The following GALNT17 variants were observed in gnomAD, a reference collection of about 807,000 sequenced individuals.
The protein encoded by GALNT17 is polypeptide N-acetylgalactosaminyltransferase 17.
A neutral mutation model predicts 63.7 loss-of-function variants in GALNT17; 29 were observed. The ratio of observed to expected loss-of-function variants is 0.46; its 90% CI spans 0.34 to 0.62. The LOEUF is 0.62. Among genes scored for constraint, GALNT17 ranks in the 20% least tolerant of loss-of-function variants. GALNT17 has a pLI of 0.01. For missense variants in GALNT17, 603 were observed against 799.6 expected (o/e 0.75, Z 2.97); for synonymous variants, 305 against 318.3 (o/e 0.96, Z 0.45).
intron 1 of GALNT17, among the ~76,000 whole-genome samples, chr7:71,200,248 G>C (rs913148793): frequency 6.6e-6 from 1 of 152,162 alleles, no homozygotes; most frequent in Non-Finnish European, 1.5e-5. Context: ...TTATCAGTAA[G>C]TCTGGCCCGT....
chr7:71,371,329 G>A (rs568707967), intron 2 of GALNT17, among the ~76,000 whole-genome samples: 1 of 152,144 alleles, frequency 6.6e-6, no homozygotes, highest in Non-Finnish European at 1.5e-5. Context: ...CAACAAAAAT[G>A]ATTTATAATT....
At chr7:71,507,781 G>A (rs1052722140) in intron 5 of GALNT17, among the ~76,000 whole-genome samples, 6 of 152,156 alleles carry the variant, frequency 3.9e-5, no homozygotes, top group African/African-American at 1.4e-4. Context: ...GAACTGGGAG[G>A]TGTTTGCATG....
chr7:71,704,535 T>C (rs981708064), intron 9 of GALNT17, among the ~76,000 whole-genome samples: 1 of 146,928 alleles, frequency 6.8e-6, no homozygotes, highest in African/African-American at 2.5e-5. Context: ...CTAAAATACA[T>C]ATGAAATTCA....
intron 1 of GALNT17, among the ~76,000 whole-genome samples, chr7:71,330,653 C>T (rs1019713058): frequency 5.3e-5 from 8 of 150,734 alleles, no homozygotes; most frequent in Non-Finnish European, 7.4e-5. Context: ...TCCTCTGCCT[C>T]GGCCTCCCAA....
intron 5 of GALNT17, among the ~76,000 whole-genome samples, chr7:71,460,718 T>C (rs149653706): frequency 6.6e-6 from 1 of 152,348 alleles, no homozygotes; most frequent in Non-Finnish European, 1.5e-5. Context: ...TTTTTATGGT[T>C]ATTTCTTGAT....
At chr7:71,679,137 A>T (rs1791197811) in intron 9 of GALNT17, among the ~76,000 whole-genome samples, 1 of 152,084 alleles carries the variant, frequency 6.6e-6, no homozygotes, top group Non-Finnish European at 1.5e-5. Flanking sequence ...ATGGAAAGCA[A>T]TATGAGCTAC....
At chr7:71,633,552 G>A (rs1018436358) in intron 6 of GALNT17, among the ~76,000 whole-genome samples, 2 of 152,068 alleles carry the variant, frequency 1.3e-5, no homozygotes, top group Non-Finnish European at 2.9e-5. Context: ...AGTATTTACC[G>A]GCTCATTATT....
intron 5 of GALNT17, among the ~76,000 whole-genome samples, chr7:71,449,108 C>CTATTTTTTTTTTTTTTTTTTTTT (rs1787211111): frequency 1.4e-5 from 1 of 72,754 alleles, no homozygotes; most frequent in Admixed American, 2.5e-4. Context: ...TGCCTATTTT[C>CTATTTTTTTTTTTTTTTTTTTTT]TTTTTTTTTT....
At chr7:71,420,761 G>T in intron 4 of GALNT17, 147 bp from the exon 5 acceptor site, 1 of 904,480 alleles carries the variant, frequency 1.1e-6, no homozygotes, top group South Asian at 1.5e-5. Context: ...GCGTGGGCAG[G>T]TCCCTGGGAG....
intron 1 of GALNT17, among the ~76,000 whole-genome samples, chr7:71,282,280 T>A (rs1790791714): frequency 3.9e-5 from 6 of 152,218 alleles, no homozygotes. Context: ...TTATTTCCAG[T>A]GCAGTTTAGC....
chr7:71,184,288 C>T (rs1051468847), intron 1 of GALNT17, among the ~76,000 whole-genome samples: 1 of 152,156 alleles, frequency 6.6e-6, no homozygotes, highest in Non-Finnish European at 1.5e-5. Flanking sequence ...CATTACTCCA[C>T]GGCAGCCCTA....
intron 9 of GALNT17, among the ~76,000 whole-genome samples, chr7:71,687,017 G>A (rs1291782902): frequency 6.6e-6 from 1 of 152,284 alleles, no homozygotes; most frequent in East Asian, 1.9e-4. Context: ...AAGGTGTCAA[G>A]CTCTGTTCCC....
At chr7:71,582,904 A>G (rs919693792) in intron 6 of GALNT17, among the ~76,000 whole-genome samples, 1 of 152,088 alleles carries the variant, frequency 6.6e-6, no homozygotes, top group African/African-American at 2.4e-5. Context: ...AAATCTCACA[A>G]ATCGCCACTA....
chr7:71,650,162 C>G (rs1046779373), intron 6 of GALNT17, among the ~76,000 whole-genome samples: 3 of 152,166 alleles, frequency 2.0e-5, no homozygotes, highest in Admixed American at 2.0e-4. Flanking sequence ...TTGCCTTTAC[C>G]AAGTTGAGTT....
intron 3 of GALNT17, among the ~76,000 whole-genome samples, chr7:71,390,487 A>G (rs995550408): frequency 6.6e-6 from 1 of 152,118 alleles, no homozygotes; most frequent in Non-Finnish European, 1.5e-5. Context: ...TTAGTTATCT[A>G]TAGATTCTTC....
intron 7 of GALNT17, 109 bp from the exon 8 acceptor site, chr7:71,669,863 G>A (rs1265450992): frequency 7.0e-7 from 1 of 1,434,262 alleles, no homozygotes; most frequent in African/African-American, 1.4e-5. Context: ...GCCCAGCCCA[G>A]GCTTAAGATC....
rs530399386 is a variant in GALNT17 at position 71,707,841 on chromosome 7, C to T, written c.1501-2920C>T. 3.9e-5 allele frequency among the ~76,000 whole-genome samples: 6 copies of T among 152,366 alleles called. No individual in the cohort carries two copies. The South Asian group carries it at 1.2e-3, about 32-fold the overall frequency. On this transcript the variant is annotated intron_variant, in intron 9 of 10. Transcript: ENST00000333538. ...TAGTCTAGGAACAGGCACAGCCTCA[C>T]TTCTGCTCCATTCCATTGGCCAAAG...
At chr7:71,659,053 A>G (rs1431072752) in intron 6 of GALNT17, among the ~76,000 whole-genome samples, 1 of 152,148 alleles carries the variant, frequency 6.6e-6, no homozygotes, top group Admixed American at 6.6e-5. Flanking sequence ...TGATCTTTTC[A>G]AACCCAAATT....
At chr7:71,317,401 C>G (rs943254822) in intron 1 of GALNT17, among the ~76,000 whole-genome samples, 1 of 152,192 alleles carries the variant, frequency 6.6e-6, no homozygotes, top group Non-Finnish European at 1.5e-5. Context: ...GACGTTGATT[C>G]TACTTAAAGA....
Sources: allele counts gnomAD v4.1 joint callset (sites outside exome capture counted in the v4.1 genomes callset), GRCh38; gene constraint gnomAD v4.1.1; transcripts MANE v1.5; gene names NCBI Gene and HGNC (gene_info 2026-07-23, HGNC 2026-07-21).